DAB1: variants seen among roughly 807,000 people sequenced by gnomAD.
DAB1 encodes the protein disabled homolog 1.
A neutral mutation model predicts 64.6 loss-of-function variants in DAB1; 15 were observed. That is an observed-to-expected ratio of 0.23 (90% CI 0.16 to 0.36). The LOEUF (loss-of-function observed/expected upper bound fraction) is 0.36. Among genes scored for constraint, DAB1 ranks in the 10% least tolerant of loss-of-function variants. The probability of loss-of-function intolerance (pLI) is 1.00; values close to 1 mark genes in which losing one functional copy is unlikely to be tolerated. For synonymous variants in DAB1, 235 were observed against 251.9 expected (o/e 0.93, Z 0.64); for missense variants, 596 against 706.7 (o/e 0.84, Z 1.78).
rs184484405 is a variant in DAB1, at chr1:57,958,481, G to A, written n.388-74319C>T. Among the ~76,000 whole-genome samples the A allele has an allele frequency of 2.9e-3, 437 of 152,256 alleles. 4 individuals carry two copies. The highest frequency in any genetic ancestry group is 9.7e-3 in the African/African-American group (403 of 41,534). ...GCTTTCTTTTAGCAATCAATGTGCA[G>A]GAGTGGACAGAAAATGGGGTGCAAA... On this transcript the variant is annotated intron_variant and non_coding_transcript_variant, in intron 5 of 20. Coordinates refer to the DAB1 transcript ENST00000485760.
chr1:57,171,912 A>G (rs910249054), intron 2 of DAB1, among the ~76,000 whole-genome samples: 1 of 152,204 alleles, frequency 6.6e-6, no homozygotes, highest in African/African-American at 2.4e-5. Context: ...GAGTGGCTTA[A>G]AACATCAGAA....
At chr1:57,137,353 A>T (rs948068696) in intron 3 of DAB1, among the ~76,000 whole-genome samples, 1 of 152,188 alleles carries the variant, frequency 6.6e-6, no homozygotes, top group African/African-American at 2.4e-5. Flanking sequence ...TACTTTGTCC[A>T]CCGCTTTATC....
intron 4 of DAB1, among the ~76,000 whole-genome samples, chr1:57,130,961 G>A (rs1169501163): frequency 2.0e-5 from 3 of 152,160 alleles, no homozygotes; most frequent in Admixed American, 6.5e-5. Flanking sequence ...ACATTAGAAA[G>A]TCATATAGCA....
chr1:57,203,780 C>T (rs1490125306), intron 2 of DAB1, among the ~76,000 whole-genome samples: 1 of 152,156 alleles, frequency 6.6e-6, no homozygotes, highest in Non-Finnish European at 1.5e-5. Context: ...TGCCTATTTG[C>T]TTGAAGGACA....
chr1:58,174,177 T>C (rs564587687), intron 4 of DAB1, among the ~76,000 whole-genome samples: 25 of 152,336 alleles, frequency 1.6e-4, no homozygotes, highest in South Asian at 4.1e-4. Flanking sequence ...GGGGATAGTA[T>C]GAAATGTCAC....
intron 2 of DAB1, among the ~76,000 whole-genome samples, chr1:58,517,481 T>C (rs548793820): frequency 6.6e-6 from 1 of 152,332 alleles, no homozygotes; most frequent in East Asian, 1.9e-4. Context: ...TATCTATTTC[T>C]TTCTCAGTCT....
At chr1:58,540,624 C>T (rs897711192) in intron 1 of DAB1, among the ~76,000 whole-genome samples, 1 of 148,716 alleles carries the variant, frequency 6.7e-6, no homozygotes, top group African/African-American at 2.5e-5. Flanking sequence ...AGACTAACAG[C>T]AGATTAACAT....
chr1:57,167,846 T>TA (rs1202903467), intron 2 of DAB1, among the ~76,000 whole-genome samples: 1 of 152,198 alleles, frequency 6.6e-6, no homozygotes, highest in Non-Finnish European at 1.5e-5. Context: ...GCAGGTCTGG[T>TA]ATACCTGTTG....
rs962970453 is a variant in DAB1, at chr1:57,637,053, T to C, written n.625+12539A>G. Among the ~76,000 whole-genome samples the C allele has an allele frequency of 2.6e-4, 40 of 152,192 alleles. 1 individual carries two copies. The highest frequency in any genetic ancestry group is 8.0e-4 in the African/African-American group (33 of 41,452). ...TATTCTTCAGTATGCAGGGGCTTTT[T>C]TTATAGCAATCTCACAATATTTTTC... On this transcript the variant is annotated intron_variant and non_coding_transcript_variant, in intron 7 of 20. Coordinates refer to the DAB1 transcript ENST00000485760.
At chr1:58,383,013 T>C (rs1306901551) in intron 3 of DAB1, among the ~76,000 whole-genome samples, 2 of 152,188 alleles carry the variant, frequency 1.3e-5, no homozygotes, top group Non-Finnish European at 2.9e-5. Flanking sequence ...TGAGGACTTA[T>C]CCAGCACCCA....
intron 7 of DAB1, among the ~76,000 whole-genome samples, chr1:57,468,338 G>A (rs1339117155): frequency 2.0e-5 from 3 of 152,214 alleles, no homozygotes; most frequent in Non-Finnish European, 4.4e-5. Context: ...GACCTTTTAT[G>A]AGAGTTCCTT....
intron 1 of DAB1, among the ~76,000 whole-genome samples, chr1:57,412,887 T>A (rs908571750): frequency 2.6e-5 from 4 of 152,316 alleles, no homozygotes; most frequent in Admixed American, 6.5e-5. Flanking sequence ...CATAACAAAT[T>A]TTCAATGTAG....
At chr1:57,294,744 G>A (rs1673048981) in intron 1 of DAB1, among the ~76,000 whole-genome samples, 1 of 152,110 alleles carries the variant, frequency 6.6e-6, no homozygotes, top group African/African-American at 2.4e-5. Flanking sequence ...GCCAGCTTAG[G>A]CGCTTGTCCA....
chr1:58,300,598 AAGAAAGAAAGAAAGAGAGAGAGAG>A lies in DAB1; in HGVS notation n.309+42730_309+42753del, dbSNP rs1219749077. Among the ~76,000 whole-genome samples the A allele has an allele frequency of 5.1e-3, 190 of 37,556 alleles. 1 individual carries two copies. The highest frequency in any genetic ancestry group is 7.7e-3 in the Non-Finnish European group (134 of 17,468). The allele number at this position is 37,556 out of a possible 152,430, so 24.6% of individuals were successfully genotyped here. ...AAAGAAAGAAAGAAAGAAAGAAAGAAAGAAAGAAAGAAAGAGAGAGAGAGAGAGAGAGAGAGAGAGAGAGAGAGA... is the reference window on the plus strand; with the variant it reads ...AAAGAAAGAAAGAAAGAAAGAAAGAAAGAGAGAGAGAGAGAGAGAGAGAGA... On this transcript the variant is annotated intron_variant and non_coding_transcript_variant, in intron 4 of 20. Coordinates refer to the DAB1 transcript ENST00000485760.
chr1:58,220,154 T>A (rs1659081305), intron 4 of DAB1, among the ~76,000 whole-genome samples: 1 of 152,232 alleles, frequency 6.6e-6, no homozygotes, highest in South Asian at 2.1e-4. Context: ...GTAAACTTTT[T>A]GTCATTGGGG....
chr1:57,212,621 C>T (rs752762809), intron 2 of DAB1, among the ~76,000 whole-genome samples: 1 of 152,038 alleles, frequency 6.6e-6, no homozygotes, highest in African/African-American at 2.4e-5. Flanking sequence ...CCCGCCTCGG[C>T]CTCTCAAAGT....
intron 4 of DAB1, among the ~76,000 whole-genome samples, chr1:57,095,556 T>C (rs1654082282): frequency 6.6e-6 from 1 of 152,210 alleles, no homozygotes; most frequent in Non-Finnish European, 1.5e-5. Flanking sequence ...TTACTTTGGG[T>C]TGACGATTAA....
chr1:58,129,447 C>T, intron 5 of DAB1, among the ~76,000 whole-genome samples: 1 of 129,002 alleles, frequency 7.8e-6, no homozygotes, highest in African/African-American at 3.1e-5. Flanking sequence ...TTTTTTGTGT[C>T]TCTATTTCCT....
At chr1:57,290,462 G>A (rs187486208) in intron 2 of DAB1, among the ~76,000 whole-genome samples, 3 of 152,200 alleles carry the variant, frequency 2.0e-5, no homozygotes, top group Non-Finnish European at 2.9e-5. Flanking sequence ...CCAGTGATTC[G>A]GGTCCAGCCG....
Sources: gnomAD v4.1 joint callset for allele counts (sites outside exome capture counted in the v4.1 genomes callset) on GRCh38, gnomAD v4.1.1 for gene constraint, MANE v1.5 for transcripts, NCBI Gene and HGNC (gene_info 2026-07-23, HGNC 2026-07-21) for gene names.